The following TEAD1 variants were observed in gnomAD, a reference collection of about 807,000 sequenced individuals.
The protein encoded by TEAD1 is transcriptional enhancer factor TEF-1.
In TEAD1, 9 loss-of-function variants were observed where a neutral mutation model predicts 54.9. The observed-to-expected ratio is 0.16, with a 90% CI of 0.10 to 0.29. The LOEUF (loss-of-function observed/expected upper bound fraction) is 0.29, where lower values mean the gene tolerates loss of function less well. Among genes scored for constraint, TEAD1 ranks in the 10% least tolerant of loss-of-function variants. TEAD1 has a pLI of 1.00. For missense variants in TEAD1, 387 were observed against 535.9 expected, an observed-to-expected ratio of 0.72 and a Z score of 2.74; for synonymous variants, 200 against 187.8, an observed-to-expected ratio of 1.07 and a Z score of -0.53.
Position 12,764,404 on chromosome 11 carries a change from A to G in TEAD1, c.172A>G (p.Ile58Val). The G allele has an allele frequency of 6.2e-7, 1 of 1,614,172 alleles. No homozygotes were observed. The highest frequency in any genetic ancestry group is 8.5e-7 in the Non-Finnish European group (1 of 1,180,026). Residue 58 changes from isoleucine (I) to valine (V), a missense_variant, in exon 3 of 13, where the codon ATC becomes GTC. Around this residue, in one of 5 missense-constraint regions of TEAD1, gnomAD observed 7 missense variants for 62.7 expected, o/e 0.11. Transcript: ENST00000527636. Reference sequence around the variant, plus strand: ...CTATCCACCATGTGGGAGGAGGAAAATCATCTTATCAGACGAAGGCAAAAT... The same window carrying G: ...CTATCCACCATGTGGGAGGAGGAAAGTCATCTTATCAGACGAAGGCAAAAT...
chr11:12,715,676 G>A (rs1183792276), intron 2 of TEAD1, among the ~76,000 whole-genome samples: 3 of 152,072 alleles, frequency 2.0e-5, no homozygotes, highest in Non-Finnish European at 4.4e-5. Flanking sequence ...CTTCCTGAAT[G>A]ATTTGGGTTG....
At chr11:12,791,662 G>C (rs1395470064) in intron 3 of TEAD1, among the ~76,000 whole-genome samples, 1 of 152,186 alleles carries the variant, frequency 6.6e-6, no homozygotes, top group Admixed American at 6.5e-5. Context: ...GTATCATGGA[G>C]AGAACTTTTT....
At chr11:12,848,631 G>A (rs1947205991) in intron 3 of TEAD1, among the ~76,000 whole-genome samples, 1 of 152,086 alleles carries the variant, frequency 6.6e-6, no homozygotes, top group Non-Finnish European at 1.5e-5. Context: ...TGAATGTGAA[G>A]GTTAAATTTG....
At chr11:12,727,749 G>A (rs1297870172) in intron 2 of TEAD1, among the ~76,000 whole-genome samples, 2 of 152,158 alleles carry the variant, frequency 1.3e-5, no homozygotes, top group East Asian at 3.8e-4. Context: ...AGATGCCGTA[G>A]ATAAGAAAAT....
intron 12 of TEAD1, among the ~76,000 whole-genome samples, chr11:12,936,373 A>G (rs1017467263): frequency 2.6e-5 from 4 of 152,220 alleles, no homozygotes; most frequent in African/African-American, 9.7e-5. Flanking sequence ...ATGTCTATGG[A>G]AAGAATGTCA....
intron 3 of TEAD1, among the ~76,000 whole-genome samples, chr11:12,845,117 AC>A (rs1428698109): frequency 6.6e-6 from 1 of 151,514 alleles, no homozygotes; most frequent in Non-Finnish European, 1.5e-5. Flanking sequence ...GGCACCCACT[AC>A]CATGCCCGGC....
intron 10 of TEAD1, among the ~76,000 whole-genome samples, chr11:12,905,654 C>T (rs1948505512): frequency 6.6e-6 from 1 of 152,150 alleles, no homozygotes; most frequent in Non-Finnish European, 1.5e-5. Context: ...GTAGGTTTAA[C>T]ACTCCCTTCG....
intron 12 of TEAD1, among the ~76,000 whole-genome samples, chr11:12,933,445 T>C (rs537954540): frequency 5.4e-4 from 82 of 152,342 alleles, no homozygotes; most frequent in African/African-American, 1.8e-3. Flanking sequence ...AGATAACTTA[T>C]ACAAATCATC....
At chr11:12,937,011 TAA>T in intron 12 of TEAD1, 96 bp from the exon 13 acceptor site, 7 of 823,678 alleles carry the variant, frequency 8.5e-6, no homozygotes, top group Non-Finnish European at 1.4e-5. Flanking sequence ...CTCTTGGACT[TAA>T]GACTTGTTCT....
At chr11:12,746,710 C>T (rs889664574) in intron 2 of TEAD1, among the ~76,000 whole-genome samples, 1 of 152,202 alleles carries the variant, frequency 6.6e-6, no homozygotes, top group Admixed American at 6.5e-5. Context: ...GGCCCGCATG[C>T]GTGGTTTAGG....
intron 9 of TEAD1, among the ~76,000 whole-genome samples, chr11:12,884,434 G>C (rs149558254): frequency 3.5e-4 from 53 of 152,138 alleles, no homozygotes; most frequent in African/African-American, 1.3e-3. Flanking sequence ...TTCTATTATC[G>C]GGAGACAGTG....
chr11:12,916,838 C>T (rs1948722330), intron 10 of TEAD1, among the ~76,000 whole-genome samples: 1 of 151,924 alleles, frequency 6.6e-6, no homozygotes, highest in Non-Finnish European at 1.5e-5. Flanking sequence ...GCAAACAGAA[C>T]CTGAAGAACT....
At position 12,938,536 on chromosome 11, in the gene TEAD1, G is replaced by A. The variant is rs1310897841; in HGVS notation, c.*1314G>A. On this transcript the variant is annotated 3_prime_UTR_variant, in exon 13 of 13. Coordinates refer to ENST00000527636, the MANE Select transcript of TEAD1 (RefSeq NM_021961.6). ...TATGTACGTATATCTCAATGTGTCT[G>A]TAGACTTAGATACATCCTCTTGAAG... The A allele has an allele frequency of 6.6e-6, 1 of 152,232 alleles. No homozygotes were observed. Among genetic ancestry groups the A allele is most frequent in the Non-Finnish European group, 1.5e-5 (1 of 68,040 alleles). The allele number at this position is 152,232 out of a possible 1,614,324, so 9.4% of individuals were successfully genotyped here. A position where few individuals can be genotyped will look rare whatever the true frequency, so the allele number is the denominator to read the frequency against.
chr11:12,701,404 A>G (rs960873523), intron 2 of TEAD1, among the ~76,000 whole-genome samples: 1 of 152,132 alleles, frequency 6.6e-6, no homozygotes, highest in Non-Finnish European at 1.5e-5. Flanking sequence ...CAACAAAACA[A>G]AAACTTAGAC....
At chr11:12,797,002 A>G (rs915280725) in intron 3 of TEAD1, among the ~76,000 whole-genome samples, 5 of 152,140 alleles carry the variant, frequency 3.3e-5, no homozygotes, top group Admixed American at 6.5e-5. Flanking sequence ...AATCCCAGCT[A>G]CTGAGGAGGC....
chr11:12,914,199 A>G (rs1589984807), intron 10 of TEAD1, among the ~76,000 whole-genome samples: 1 of 152,270 alleles, frequency 6.6e-6, no homozygotes, highest in East Asian at 1.9e-4. Flanking sequence ...CAACCAGTGC[A>G]TAGCATAATT....
intron 3 of TEAD1, among the ~76,000 whole-genome samples, chr11:12,844,359 C>T (rs1406091442): frequency 6.6e-6 from 1 of 152,066 alleles, no homozygotes; most frequent in African/African-American, 2.4e-5. Context: ...TTTCTTTCAA[C>T]GTGTTAGAAA....
intron 9 of TEAD1, among the ~76,000 whole-genome samples, chr11:12,892,765 G>T (rs7117694): frequency 1.3e-5 from 2 of 152,124 alleles, no homozygotes; most frequent in African/African-American, 2.4e-5. Flanking sequence ...GTCTCTGGAG[G>T]AGCTTCCTAG....
chr11:12,696,500 CAA>C (rs1419191908), intron 2 of TEAD1, among the ~76,000 whole-genome samples: 3 of 152,152 alleles, frequency 2.0e-5, no homozygotes, highest in African/African-American at 7.2e-5. Flanking sequence ...GAGGACGAGA[CAA>C]GAGACCAAGG....
Sources: gnomAD v4.1 joint callset for allele counts (sites outside exome capture counted in the v4.1 genomes callset) on GRCh38, gnomAD v4.1.1 for gene constraint, gnomAD v4.1.1 regional missense constraint, MANE v1.5 for transcripts, NCBI Gene and HGNC (gene_info 2026-07-23, HGNC 2026-07-21) for gene names.